Variants in MEX3C observed in about 807,000 individuals in gnomAD.
MEX3C encodes mex-3 RNA binding family member C.
A neutral mutation model predicts 35.5 loss-of-function variants in MEX3C; 15 were observed. The observed-to-expected ratio is 0.42, with a 90% CI of 0.28 to 0.65. The LOEUF is 0.65. Among genes scored for constraint, MEX3C ranks in the 30% least tolerant of loss-of-function variants. MEX3C has a pLI of 0.20. For synonymous variants in MEX3C, 390 were observed against 352.8 expected, an observed-to-expected ratio of 1.11 and a Z score of -1.18; for missense variants, 711 against 842.8, an observed-to-expected ratio of 0.84 and a Z score of 1.94.
At chr18:51,195,952 G>A (rs1207448816) in intron 1 of MEX3C, 1 of 153,242 alleles carries the variant, frequency 6.5e-6, no homozygotes, top group Non-Finnish European at 1.5e-5. Context: ...CTTTCCGAGA[G>A]TTGAAACGTA....
At position 51,176,503 on chromosome 18, in the gene MEX3C, TCA is replaced by T; in HGVS notation, c.1826_1827del (p.Val609AspfsTer4). 6.2e-7 allele frequency: 1 copy of T among 1,613,952 alleles called. No homozygotes were observed. Among genetic ancestry groups the T allele is most frequent in the Non-Finnish European group, 8.5e-7 (1 of 1,179,884 alleles). ...PPESRRKHDC[V>X]ICFENEVIAA... ...GCAATAACCTCATTCTCAAAGCAAA[TCA>T]CACAGTCGTGCTTTCGTCTTGATTC... On this transcript the variant is annotated frameshift_variant, in exon 2 of 2. Transcript: ENST00000406189. LOFTEE classifies it high-confidence loss of function.
At chr18:51,189,184 A>T (rs1045912324) in intron 1 of MEX3C, among the ~76,000 whole-genome samples, 2 of 152,248 alleles carry the variant, frequency 1.3e-5, no homozygotes, top group African/African-American at 4.8e-5. Context: ...AAACATTTAA[A>T]GAAACTCCTA....
Position 51,176,423 on chromosome 18 carries a change from G to A in MEX3C, c.1908C>T (p.Ile636=). 1.2e-6 allele frequency: 2 copies of A among 1,613,994 alleles called. No homozygotes were observed. Among genetic ancestry groups the A allele is most frequent in the Non-Finnish European group, 1.7e-6 (2 of 1,179,886 alleles). The change falls in exon 2 of 2, where the codon ATC becomes ATT. Residue 636 remains isoleucine, a synonymous_variant. Transcript: ENST00000406189. ...GACATGATGGCGTTCTCTTTTCACA[G>A]ATCTTGTTGGCACATTCCATGCAGA... ...NLFCMECANK[I]CEKRTPSCPV... is the part of the protein sequence containing the mutation.
chr18:51,186,910 T>C (rs1276548130), intron 1 of MEX3C, among the ~76,000 whole-genome samples: 1 of 152,216 alleles, frequency 6.6e-6, no homozygotes, highest in African/African-American at 2.4e-5. Context: ...CAAGCAAACA[T>C]CACAACTGCA....
intron 1 of MEX3C, among the ~76,000 whole-genome samples, chr18:51,181,536 C>A (rs1912431525): frequency 6.6e-6 from 1 of 152,132 alleles, no homozygotes; most frequent in South Asian, 2.1e-4. Context: ...AAAGAACTCT[C>A]ATATTTAGCT....
chr18:51,184,301 T>C (rs1175075605), intron 1 of MEX3C, among the ~76,000 whole-genome samples: 4 of 152,118 alleles, frequency 2.6e-5, no homozygotes, highest in Non-Finnish European at 5.9e-5. Flanking sequence ...AATACCTTGA[T>C]TTGAACACAG....
rs1390916131 is a variant in MEX3C, at chr18:51,175,689, T to G, written c.*662A>C. On this transcript the variant is annotated 3_prime_UTR_variant, in exon 2 of 2. Coordinates refer to ENST00000406189, the MANE Select transcript of MEX3C (RefSeq NM_016626.5). Reference sequence around the variant, plus strand: ...GAGGCAATGGGCAGGAATTCACAATTGCATTCCTGATCCACTGATCATACC... The same window carrying G: ...GAGGCAATGGGCAGGAATTCACAATGGCATTCCTGATCCACTGATCATACC... 1 of 152,586 alleles carries G rather than the reference T, an allele frequency of 6.6e-6. No individual in the cohort carries two copies. The highest frequency in any genetic ancestry group is 1.5e-5 in the Non-Finnish European group (1 of 68,028). The allele number at this position is 152,586 out of a possible 1,614,324, so 9.5% of individuals were successfully genotyped here.
chr18:51,197,214 G>T lies in MEX3C; in HGVS notation c.107C>A (p.Ser36Ter). The change falls in exon 1 of 2, where the codon TCG becomes TAG. Residue 36 changes from serine (S) to a stop codon, truncating the protein, a stop_gained. Transcript: ENST00000406189. LOFTEE classifies it high-confidence loss of function. Reference sequence around the variant, plus strand: ...GTCCCCCTCGAGCTCCGGGCCGCCCGAGGGCGGCGGCAGAGGCGGCGGTGG... The same window carrying T: ...GTCCCCCTCGAGCTCCGGGCCGCCCTAGGGCGGCGGCAGAGGCGGCGGTGG... ...PPPPPPLPPP[S>*]GGPELEGDGL... 9.9e-7 allele frequency: 1 copy of T among 1,006,566 alleles called. No individual in the cohort carries two copies. Among genetic ancestry groups the T allele is most frequent in the Non-Finnish European group, 1.2e-6 (1 of 846,230 alleles). 62.4% of individuals were successfully genotyped at this position (1,006,566 alleles called of 1,614,324 possible).
Position 51,177,535 on chromosome 18 carries a change from T to C in MEX3C, c.796A>G (p.Ile266Val). ...KALRAKTNTY[I>V]KTPVRGEEPI... The stretch of plus-strand genomic sequence containing the variant: ...TCTTCACCACGAACAGGAGTCTTGA[T>C]ATACGTGTTTGTCTTGGCTCTCAGT... Residue 266 changes from isoleucine (I) to valine (V), a missense_variant, in exon 2 of 2, where the codon ATC (isoleucine) becomes GTC (valine). By Grantham distance (29) the Ile-to-Val change is conservative (BLOSUM62 3). Coordinates refer to ENST00000406189, the MANE Select transcript of MEX3C (RefSeq NM_016626.5). The surrounding 1 kb of genome is among the most constrained non-coding windows in gnomAD (Gnocchi z 4.2). 1 of 1,612,232 alleles carries C rather than the reference T, an allele frequency of 6.2e-7. No homozygotes were observed. Among genetic ancestry groups the C allele is most frequent in the Non-Finnish European group, 8.5e-7 (1 of 1,179,268 alleles).
chr18:51,176,107 T>C lies in MEX3C; in HGVS notation c.*244A>G. ...AACTTCAGCTTTAGCAATTCTTATA[T>C]AAACTATGTCTCTGGGTCTACAGGA... is the stretch of plus-strand genomic sequence containing the variant. On this transcript the variant is annotated 3_prime_UTR_variant, in exon 2 of 2. Transcript: ENST00000406189. 5.5e-6 allele frequency: 2 copies of C among 365,372 alleles called. No homozygotes were observed. The highest frequency in any genetic ancestry group is 7.6e-5 in the South Asian group (1 of 13,204). 22.6% of individuals were successfully genotyped at this position (365,372 alleles called of 1,614,324 possible).
chr18:51,193,647 T>TGAAGA (rs1912706969), intron 1 of MEX3C: 1 of 152,250 alleles, frequency 6.6e-6, no homozygotes, highest in Non-Finnish European at 1.5e-5. Context: ...CTTCAGTTCC[T>TGAAGA]GGCTTTATTT....
chr18:51,182,368 A>C (rs1310792413), intron 1 of MEX3C, among the ~76,000 whole-genome samples: 1 of 152,224 alleles, frequency 6.6e-6, no homozygotes, highest in Admixed American at 6.5e-5. Context: ...TTGAAATTTA[A>C]AAATGTGAGG....
intron 1 of MEX3C, chr18:51,195,205 T>G (rs936985339): frequency 6.6e-6 from 1 of 152,210 alleles, no homozygotes; most frequent in Non-Finnish European, 1.5e-5. Context: ...AACAAAAGTT[T>G]TCTCCTGGAT....
rs1912836633 is a variant in MEX3C at position 51,197,271 on chromosome 18, G to C, written c.50C>G (p.Pro17Arg). ...CGGCGGCGGGGGCGGCTGCGGCAGG[G>C]GGGCCGGGGCCGCCGCCAGGGCCAG... ...AALALAAAPA[P>R]LPQPPPPPPP... Residue 17 changes from proline (P) to arginine (R), a missense_variant, in exon 1 of 2, where the codon CCC (proline) becomes CGC (arginine). Physicochemically the swap from Pro to Arg is moderately radical, Grantham distance 103. Transcript: ENST00000406189. 5 of 846,466 alleles carry C rather than the reference G, an allele frequency of 5.9e-6. No homozygotes were observed. Among genetic ancestry groups the C allele is most frequent in the Admixed American group, 6.5e-5 (1 of 15,484 alleles). 52.4% of individuals were successfully genotyped at this position (846,466 alleles called of 1,614,324 possible). A position where few individuals can be genotyped will look rare whatever the true frequency, so the allele number is the denominator to read the frequency against.
chr18:51,196,355 A>T, intron 1 of MEX3C: 1 of 1,165,434 alleles, frequency 8.6e-7, no homozygotes, highest in Non-Finnish European at 1.2e-6. Context: ...GAAACTTCAC[A>T]CTTTTTACCA....
At chr18:51,190,174 G>A (rs868869070) in intron 1 of MEX3C, among the ~76,000 whole-genome samples, 2 of 152,118 alleles carry the variant, frequency 1.3e-5, no homozygotes, top group African/African-American at 2.4e-5. Context: ...GGCTCAGAGA[G>A]GTTAAGTGAT....
At chr18:51,196,246 A>G in intron 1 of MEX3C, 1 of 439,730 alleles carries the variant, frequency 2.3e-6, no homozygotes. Flanking sequence ...CTCGAGCCCG[A>G]CCTTTTACCA....
chr18:51,194,039 T>C (rs368670227), intron 1 of MEX3C: 1 of 152,228 alleles, frequency 6.6e-6, no homozygotes, highest in East Asian at 1.9e-4. Context: ...TTTAGCTCCT[T>C]CAAAGCAAAC....
intron 1 of MEX3C, chr18:51,196,325 C>T: frequency 1.2e-6 from 1 of 862,516 alleles, no homozygotes; most frequent in Non-Finnish European, 1.7e-6. Flanking sequence ...ACGTGAACAC[C>T]ACCGGACTGG....
Sources: gnomAD v4.1 joint callset for allele counts (sites outside exome capture counted in the v4.1 genomes callset) on GRCh38, gnomAD v4.1.1 for gene constraint, Gnocchi (gnomAD v3.1) non-coding constraint, MANE v1.5 for transcripts, NCBI Gene and HGNC (gene_info 2026-07-23, HGNC 2026-07-21) for gene names.